The following NRXN3 variants were observed in gnomAD, a reference collection of about 807,000 sequenced individuals.
NRXN3 encodes neurexin 3.
A neutral mutation model predicts 137.6 loss-of-function variants in NRXN3; 32 were observed. The ratio of observed to expected loss-of-function variants is 0.23; its 90% CI spans 0.18 to 0.31. The LOEUF is 0.31. Among genes scored for constraint, NRXN3 ranks in the 10% least tolerant of loss-of-function variants. The pLI is 1.00. For synonymous variants in NRXN3, 798 were observed against 784.5 expected (o/e 1.02, Z -0.29); for missense variants, 1,574 against 2,062.5 (o/e 0.76, Z 4.59).
At chr14:78,771,657 A>C (rs79951595) in intron 8 of NRXN3, among the ~76,000 whole-genome samples, 1,965 of 152,292 alleles carry the variant, frequency 0.013, 25 homozygotes, top group Non-Finnish European at 0.02. Flanking sequence ...AGGGAATAAG[A>C]ATGTACACAG....
intron 15 of NRXN3, among the ~76,000 whole-genome samples, chr14:79,364,694 C>T (rs541371528): frequency 4.6e-5 from 7 of 152,080 alleles, no homozygotes; most frequent in African/African-American, 1.7e-4. Flanking sequence ...CAAAGAGAGC[C>T]CTCAAAAATA....
At chr14:79,422,415 A>G (rs2095591600) in intron 15 of NRXN3, among the ~76,000 whole-genome samples, 1 of 152,170 alleles carries the variant, frequency 6.6e-6, no homozygotes, top group Non-Finnish European at 1.5e-5. Context: ...GAAGTTGATT[A>G]GTGAACCACA....
intron 10 of NRXN3, among the ~76,000 whole-genome samples, chr14:78,818,064 G>A (rs2098939523): frequency 6.6e-6 from 1 of 151,842 alleles, no homozygotes; most frequent in South Asian, 2.1e-4. Context: ...CAGGTTAATA[G>A]AGGCAGTATA....
At chr14:79,005,610 A>G (rs1314913163) in intron 15 of NRXN3, among the ~76,000 whole-genome samples, 3 of 152,162 alleles carry the variant, frequency 2.0e-5, no homozygotes, top group Admixed American at 6.5e-5. Context: ...TCTGGGACTC[A>G]CTTTCATAAA....
chr14:78,479,907 G>T (rs1351599918), intron 4 of NRXN3, among the ~76,000 whole-genome samples: 1 of 152,180 alleles, frequency 6.6e-6, no homozygotes, highest in Non-Finnish European at 1.5e-5. Flanking sequence ...CACTTTGGGA[G>T]AGCAGGGAGG....
chr14:78,433,370 A>T (rs1221893070), intron 4 of NRXN3, among the ~76,000 whole-genome samples: 2 of 151,998 alleles, frequency 1.3e-5, no homozygotes, highest in Non-Finnish European at 2.9e-5. Flanking sequence ...ATGTGATTCT[A>T]TTGGGCCCAC....
intron 19 of NRXN3, among the ~76,000 whole-genome samples, chr14:79,758,563 T>C (rs896389692): frequency 3.3e-5 from 5 of 152,152 alleles, no homozygotes; most frequent in Non-Finnish European, 7.4e-5. Flanking sequence ...ACCTCCAACA[T>C]TGGGGATCAC....
At chr14:79,446,097 T>C (rs1215422058) in intron 15 of NRXN3, among the ~76,000 whole-genome samples, 1 of 152,162 alleles carries the variant, frequency 6.6e-6, no homozygotes, top group Non-Finnish European at 1.5e-5. Context: ...GCTTACATCT[T>C]ATTGAGGAGA....
intron 19 of NRXN3, among the ~76,000 whole-genome samples, chr14:79,761,708 A>T (rs1003803187): frequency 2.0e-5 from 3 of 148,022 alleles, no homozygotes; most frequent in Non-Finnish European, 3.0e-5. Context: ...AAAAAAAAAA[A>T]ATAGATCTCA....
chr14:78,494,044 T>C (rs536760314), intron 4 of NRXN3, among the ~76,000 whole-genome samples: 14 of 152,278 alleles, frequency 9.2e-5, no homozygotes, highest in Admixed American at 7.2e-4. Context: ...AGTGTTTTTG[T>C]CCCTTGGTCC....
At chr14:78,636,618 G>C (rs777111809) in intron 4 of NRXN3, among the ~76,000 whole-genome samples, 1 of 152,092 alleles carries the variant, frequency 6.6e-6, no homozygotes, top group Admixed American at 6.6e-5. Flanking sequence ...TCTGTAAGAC[G>C]GAGTGCACTA....
intron 4 of NRXN3, among the ~76,000 whole-genome samples, chr14:78,464,808 T>G (rs1372076899): frequency 6.6e-6 from 1 of 152,218 alleles, no homozygotes; most frequent in African/African-American, 2.4e-5. Context: ...AGACAGTAGA[T>G]TCTGACTTTT....
chr14:79,479,182 A>T (rs760693658), intron 16 of NRXN3, among the ~76,000 whole-genome samples: 22 of 152,146 alleles, frequency 1.4e-4, no homozygotes, highest in Non-Finnish European at 2.1e-4. Flanking sequence ...AACTTTTTTG[A>T]AAATAATTCC....
rs538245816 is a variant in NRXN3 at position 78,916,276 on chromosome 14, T to G, written c.2276-40966T>G. On this transcript the variant is annotated intron_variant, in intron 10 of 20. Coordinates refer to ENST00000335750, the MANE Select transcript of NRXN3 (RefSeq NM_001330195.2). ...TACCTGTTTTCCTGCATAAAGGGGT[T>G]ATAATTGTACTAATTTATGGTGCAA... Among the ~76,000 whole-genome samples the G allele has an allele frequency of 1.1e-4, 17 of 152,320 alleles. No individual in the cohort carries two copies. In the South Asian group the frequency reaches 3.5e-3, roughly 32 times the overall value.
chr14:79,831,238 A>G (rs2099322407), intron 20 of NRXN3, among the ~76,000 whole-genome samples: 1 of 152,236 alleles, frequency 6.6e-6, no homozygotes, highest in South Asian at 2.1e-4. Context: ...GAAGCTTAAC[A>G]GAACTGCAGA....
chr14:79,207,303 AC>A (rs988503151), intron 15 of NRXN3, among the ~76,000 whole-genome samples: 6 of 150,158 alleles, frequency 4.0e-5, no homozygotes, highest in African/African-American at 7.4e-5. Context: ...GAATCTGAGA[AC>A]CCCCACCCCG....
chr14:79,839,404 A>G (rs1352009325), intron 20 of NRXN3, among the ~76,000 whole-genome samples: 1 of 152,132 alleles, frequency 6.6e-6, no homozygotes, highest in Admixed American at 6.5e-5. Flanking sequence ...AAAAGTGTGT[A>G]TAGAGTCAAT....
chr14:78,306,227 A>G (rs1297802176), intron 4 of NRXN3, among the ~76,000 whole-genome samples: 1 of 152,146 alleles, frequency 6.6e-6, no homozygotes, highest in African/African-American at 2.4e-5. Flanking sequence ...CTCCTCCTCA[A>G]TGATCAATTT....
At chr14:79,453,686 G>T (rs2096212873) in intron 15 of NRXN3, among the ~76,000 whole-genome samples, 1 of 152,184 alleles carries the variant, frequency 6.6e-6, no homozygotes, top group Admixed American at 6.5e-5. Flanking sequence ...AATTCAGTGA[G>T]CTCAAAATGA....
Sources: allele counts gnomAD v4.1 joint callset (sites outside exome capture counted in the v4.1 genomes callset), GRCh38; gene constraint gnomAD v4.1.1; transcripts MANE v1.5; gene names NCBI Gene and HGNC (gene_info 2026-07-23, HGNC 2026-07-21).